USP1: variants seen among roughly 807,000 people sequenced by gnomAD.
USP1 encodes ubiquitin carboxyl-terminal hydrolase 1.
USP1 carries 18 observed loss-of-function variants against 72.2 expected under a neutral mutation model. The ratio of observed to expected loss-of-function variants is 0.25; its 90% CI spans 0.17 to 0.37. The LOEUF is 0.37. USP1 is among the 10% of genes least tolerant of loss of function. USP1 has a pLI of 1.00. For missense variants in USP1, 759 were observed against 884.9 expected, an observed-to-expected ratio of 0.86 and a Z score of 1.81; for synonymous variants, 354 against 303.7, an observed-to-expected ratio of 1.17 and a Z score of -1.72.
chr1:62,440,579 C>G (rs1645125685), intron 2 of USP1, among the ~76,000 whole-genome samples: 1 of 152,174 alleles, frequency 6.6e-6, no homozygotes. Flanking sequence ...ACCAGCAGCT[C>G]TAGCTGGAGT....
chr1:62,440,509 CAAAT>C (rs1312930681), intron 2 of USP1, among the ~76,000 whole-genome samples: 2 of 152,040 alleles, frequency 1.3e-5, no homozygotes, highest in Admixed American at 6.6e-5. Context: ...GCTTTTGATG[CAAAT>C]AAATTATTTA....
Position 62,447,405 on chromosome 1 carries a change from G to A in USP1, c.1314G>A (p.Thr438=), listed in dbSNP as rs777665319. ...TTCAAGGTCAGCTGGTATTAAGGAC[G>A]CGTTGCTTGGAATGTGAAAGTTTAA... ...KLFQGQLVLR[T]RCLECESLTE... Residue 438 remains threonine (T), a synonymous_variant, in exon 7 of 9, where the codon ACG becomes ACA. Transcript: ENST00000339950. 6.2e-6 allele frequency: 10 copies of A among 1,614,000 alleles called. No individual in the cohort carries two copies. The highest frequency in any genetic ancestry group is 2.2e-5 in the South Asian group (2 of 91,078).
At chr1:62,446,526 C>A (rs180874576) in intron 6 of USP1, among the ~76,000 whole-genome samples, 42 of 152,266 alleles carry the variant, frequency 2.8e-4, no homozygotes, top group Non-Finnish European at 4.6e-4. Context: ...CGTATCTAAG[C>A]ATAGATATGT....
chr1:62,440,180 T>G lies in USP1; in HGVS notation c.170+143T>G, dbSNP rs572442035. On this transcript the variant is annotated intron_variant, in intron 2 of 8. Transcript: ENST00000339950. ...TACTTCTTAGTCAAATCTAGCAGTT[T>G]ATAGTAGGAACAGCAAAACTGGTGG... The G allele has an allele frequency of 1.1e-5, 7 of 654,554 alleles. No individual in the cohort carries two copies. The African/African-American group carries it at 1.1e-4, about 10-fold the overall frequency. The allele number at this position is 654,554 out of a possible 1,614,324, so 40.5% of individuals were successfully genotyped here.
chr1:62,446,948 GTGAT>G (rs911356222), intron 6 of USP1, among the ~76,000 whole-genome samples: 3 of 152,078 alleles, frequency 2.0e-5, no homozygotes, highest in Non-Finnish European at 4.4e-5. Flanking sequence ...CCGAGTAGCT[GTGAT>G]TACAGGCATG....
chr1:62,446,283 A>G (rs1353674326), intron 6 of USP1, among the ~76,000 whole-genome samples: 1 of 152,156 alleles, frequency 6.6e-6, no homozygotes, highest in African/African-American at 2.4e-5. Context: ...TCCTTGGGCC[A>G]CACTGGAAGA....
intron 4 of USP1, among the ~76,000 whole-genome samples, chr1:62,442,795 GAGTT>G (rs1645142793): frequency 6.6e-6 from 1 of 152,140 alleles, no homozygotes; most frequent in Non-Finnish European, 1.5e-5. Flanking sequence ...TTGAGCGCAA[GAGTT>G]TGAGACCAGC....
At chr1:62,443,052 A>G (rs958393461) in intron 4 of USP1, 107 bp from the exon 5 acceptor site, 128 of 1,191,434 alleles carry the variant, frequency 1.1e-4, no homozygotes, top group Middle Eastern at 2.3e-4. Flanking sequence ...AATTAGTGCT[A>G]TTATGCAACT....
At chr1:62,443,379 G>A (rs1645146596) in intron 5 of USP1, 60 bp downstream of exon 5, 10 of 1,458,524 alleles carry the variant, frequency 6.9e-6, no homozygotes, top group East Asian at 2.5e-5. Flanking sequence ...ATCCTTGGAG[G>A]AGAATGACAT....
chr1:62,445,560 A>T, intron 6 of USP1, 131 bp downstream of exon 6: 1 of 794,232 alleles, frequency 1.3e-6, no homozygotes, highest in Middle Eastern at 3.8e-4. Flanking sequence ...TTTAACACTG[A>T]ATGTGAACTA....
At chr1:62,443,064 A>T in intron 4 of USP1, 95 bp from the exon 5 acceptor site, 1 of 1,331,602 alleles carries the variant, frequency 7.5e-7, no homozygotes, top group Non-Finnish European at 1.0e-6. Flanking sequence ...TATGCAACTT[A>T]GAAAATCTAG....
chr1:62,447,592 T>C (rs1645184505), intron 7 of USP1, 81 bp downstream of exon 7: 3 of 1,471,004 alleles, frequency 2.0e-6, no homozygotes, highest in South Asian at 1.4e-5. Context: ...TAGTAGCTGG[T>C]GTAATTAGGG....
chr1:62,451,044 T>C lies in USP1; in HGVS notation c.*63T>C. ...CCATACAAACATTGGTAAAGTTGAT[T>C]ACATCAAAGAATCTTTAGCTTATCT... is the stretch of plus-strand genomic sequence containing the variant. On this transcript the variant is annotated 3_prime_UTR_variant, in exon 9 of 9. Coordinates refer to ENST00000339950, the MANE Select transcript of USP1 (RefSeq NM_003368.5). The C allele has an allele frequency of 7.0e-7, 1 of 1,430,940 alleles. No individual in the cohort carries two copies. Among genetic ancestry groups the C allele is most frequent in the African/African-American group, 1.4e-5 (1 of 70,180 alleles). 88.6% of individuals were successfully genotyped at this position (1,430,940 alleles called of 1,614,324 possible).
At chr1:62,439,630 GCTT>G (rs1486047639) in intron 1 of USP1, among the ~76,000 whole-genome samples, 166 bp from the exon 2 acceptor site, 1 of 152,186 alleles carries the variant, frequency 6.6e-6, no homozygotes, top group African/African-American at 2.4e-5. Context: ...AGTGTGGTAT[GCTT>G]CTTCATTTAA....
At position 62,445,186 on chromosome 1, in the gene USP1, A is replaced by G; in HGVS notation, c.1006A>G (p.Arg336Gly). The part of the protein sequence containing the change: ...ESPRPSQKKS[R>G]VKINWLKSAT... ...TCCAAGACCCTCACAAAAGAAATCA[A>G]GAGTTAAAATAAATTGGTTAAAGTC... The change falls in exon 6 of 9, where the codon AGA becomes GGA. Residue 336 changes from arginine to glycine, a missense_variant. Transcript: ENST00000339950. 1 of 1,612,230 alleles carries G rather than the reference A, an allele frequency of 6.2e-7. No homozygotes were observed. The highest frequency in any genetic ancestry group is 8.5e-7 in the Non-Finnish European group (1 of 1,179,556).
At chr1:62,440,582 G>T (rs72929785) in intron 2 of USP1, among the ~76,000 whole-genome samples, 170 of 152,282 alleles carry the variant, frequency 1.1e-3, no homozygotes, top group African/African-American at 4.0e-3. Flanking sequence ...AGCAGCTCTA[G>T]CTGGAGTCTG....
rs143261841 is a variant in USP1, at chr1:62,445,163, C to T, written c.983C>T (p.Pro328Leu). The T allele has an allele frequency of 4.3e-5, 69 of 1,613,214 alleles. No homozygotes were observed. Among genetic ancestry groups the T allele is most frequent in the Non-Finnish European group, 5.5e-5 (65 of 1,179,816 alleles). ...IPKYISENESPRPSQKKSRVK... is the reference protein window; with the variant it reads ...IPKYISENESLRPSQKKSRVK... ...AAGTATATTTCTGAAAATGAGAGTC[C>T]AAGACCCTCACAAAAGAAATCAAGA... The change falls in exon 6 of 9, where the codon CCA becomes CTA. Residue 328 changes from proline to leucine, a missense_variant. Physicochemically the swap from Pro to Leu is moderately conservative, Grantham distance 98 (BLOSUM62 -3). Coordinates refer to ENST00000339950, the MANE Select transcript of USP1 (RefSeq NM_003368.5).
rs1325707861 is a variant in USP1 at position 62,437,849 on chromosome 1, CGT to C, written c.-70+452_-70+453del. Among the ~76,000 whole-genome samples, 6 of 152,338 alleles carry C rather than the reference CGT, an allele frequency of 3.9e-5. 1 individual carries two copies. The highest frequency in any genetic ancestry group is 2.9e-5 in the Non-Finnish European group (2 of 68,038). Reference sequence around the variant, plus strand: ...TTTTCAAGAAGTGTTTAGAACGCCGCGTGTCTTAAACCTTGGCGAAGATGTCC... The same window carrying C: ...TTTTCAAGAAGTGTTTAGAACGCCGCGTCTTAAACCTTGGCGAAGATGTCC... On this transcript the variant is annotated intron_variant, in intron 1 of 8. Transcript: ENST00000339950.
chr1:62,446,341 G>T (rs1391233574), intron 6 of USP1, among the ~76,000 whole-genome samples: 2 of 148,144 alleles, frequency 1.4e-5, no homozygotes, highest in Non-Finnish European at 3.0e-5. Flanking sequence ...TAGCTGATGA[G>T]CCAAAAAAAA....
Sources: gnomAD v4.1 joint callset for allele counts (sites outside exome capture counted in the v4.1 genomes callset) on GRCh38, gnomAD v4.1.1 for gene constraint, MANE v1.5 for transcripts, NCBI Gene and HGNC (gene_info 2026-07-23, HGNC 2026-07-21) for gene names.